DCLK1: variants seen among roughly 807,000 people sequenced by gnomAD.
DCLK1 encodes serine/threonine-protein kinase DCLK1.
In DCLK1, 16 loss-of-function variants were observed where a neutral mutation model predicts 86.2. The observed-to-expected ratio is 0.19, with a 90% CI of 0.13 to 0.28. The LOEUF (loss-of-function observed/expected upper bound fraction) is 0.28, where lower values mean the gene tolerates loss of function less well. DCLK1 is among the 10% of genes least tolerant of loss of function. The probability of loss-of-function intolerance (pLI) is 1.00; values close to 1 mark genes in which losing one functional copy is unlikely to be tolerated. For missense variants in DCLK1, 590 were observed against 940.2 expected, an observed-to-expected ratio of 0.63 and a Z score of 4.87; for synonymous variants, 369 against 370.5, an observed-to-expected ratio of 1.00 and a Z score of 0.05.
At chr13:35,991,279 A>C (rs1263004990) in intron 3 of DCLK1, among the ~76,000 whole-genome samples, 1 of 152,144 alleles carries the variant, frequency 6.6e-6, no homozygotes, top group Non-Finnish European at 1.5e-5. Context: ...CGTCTCCATG[A>C]CTGTTCACTC....
At chr13:36,110,500 G>C (rs2138186788) in intron 3 of DCLK1, among the ~76,000 whole-genome samples, 2 of 152,252 alleles carry the variant, frequency 1.3e-5, no homozygotes, top group African/African-American at 4.8e-5. Context: ...GCATCTGAAT[G>C]GATCCCTAAG....
chr13:35,829,557 G>A lies in DCLK1; in HGVS notation c.1230-1250C>T, dbSNP rs554947108. Among the ~76,000 whole-genome samples, 41 of 152,242 alleles carry A rather than the reference G, an allele frequency of 2.7e-4. No individual in the cohort carries two copies. In the South Asian group the frequency reaches 7.7e-3, roughly 29 times the overall value. On this transcript the variant is annotated intron_variant, in intron 8 of 16. Transcript: ENST00000360631. ...GCAAGAAAATGATTTGCCTCTAAGC[G>A]AATCAAGAGACCAGGCGTTAATGTG...
intron 4 of DCLK1, among the ~76,000 whole-genome samples, chr13:35,897,382 T>C (rs965702113): frequency 1.3e-5 from 2 of 152,210 alleles, no homozygotes; most frequent in South Asian, 4.2e-4. Flanking sequence ...CTAGCCATGA[T>C]AGCAAGAATG....
intron 3 of DCLK1, among the ~76,000 whole-genome samples, chr13:35,951,196 T>C (rs1196716810): frequency 1.3e-5 from 2 of 151,702 alleles, no homozygotes; most frequent in Non-Finnish European, 2.9e-5. Context: ...GTTTTTTTAG[T>C]TGGGACATGG....
intron 3 of DCLK1, among the ~76,000 whole-genome samples, chr13:35,997,408 AG>A (rs1164209067): frequency 6.6e-6 from 1 of 152,220 alleles, no homozygotes; most frequent in Non-Finnish European, 1.5e-5. Context: ...CTTGCTTTGG[AG>A]GCAAAGAACA....
At chr13:35,910,681 G>A (rs1005261251) in intron 4 of DCLK1, among the ~76,000 whole-genome samples, 1 of 152,180 alleles carries the variant, frequency 6.6e-6, no homozygotes, top group Non-Finnish European at 1.5e-5. Context: ...AGGGGCCGCT[G>A]TGGCAGCACC....
At chr13:35,964,781 GAA>G (rs10533073) in intron 3 of DCLK1, among the ~76,000 whole-genome samples, 33,998 of 130,158 alleles carry the variant, frequency 0.26, 3,966 homozygotes, top group African/African-American at 0.33. Flanking sequence ...AAAATGGTTG[GAA>G]AAAAAAAAAA....
intron 3 of DCLK1, among the ~76,000 whole-genome samples, chr13:35,987,653 C>G (rs1879995864): frequency 6.6e-6 from 1 of 152,104 alleles, no homozygotes; most frequent in Non-Finnish European, 1.5e-5. Context: ...CCCTGAGGGG[C>G]ACCACTACCT....
At chr13:35,890,193 C>G (rs939635936) in intron 4 of DCLK1, among the ~76,000 whole-genome samples, 3 of 152,120 alleles carry the variant, frequency 2.0e-5, no homozygotes, top group Non-Finnish European at 2.9e-5. Context: ...CACTTCCTCT[C>G]ACTCTTAGTT....
chr13:35,798,715 G>A (rs1020941392), intron 15 of DCLK1, among the ~76,000 whole-genome samples: 7 of 152,174 alleles, frequency 4.6e-5, no homozygotes, highest in African/African-American at 1.4e-4. Flanking sequence ...CCATGTCATC[G>A]TTTAAAATTT....
intron 3 of DCLK1, among the ~76,000 whole-genome samples, chr13:36,098,512 A>G (rs1392616469): frequency 1.3e-5 from 2 of 152,194 alleles, no homozygotes; most frequent in Admixed American, 6.5e-5. Flanking sequence ...TGAGAGAGAG[A>G]GATTTGCAAT....
At chr13:36,031,900 G>A (rs909647505) in intron 3 of DCLK1, among the ~76,000 whole-genome samples, 6 of 152,156 alleles carry the variant, frequency 3.9e-5, no homozygotes, top group African/African-American at 1.4e-4. Context: ...CCTGATAGAC[G>A]TGAGGTCTCA....
chr13:35,912,416 C>G (rs958910547), intron 4 of DCLK1, among the ~76,000 whole-genome samples: 1 of 152,150 alleles, frequency 6.6e-6, no homozygotes, highest in African/African-American at 2.4e-5. Context: ...CACCCCACCC[C>G]CAGTCCTGTG....
At chr13:36,082,867 C>G (rs1407540389) in intron 3 of DCLK1, among the ~76,000 whole-genome samples, 2 of 152,058 alleles carry the variant, frequency 1.3e-5, no homozygotes, top group African/African-American at 4.8e-5. Flanking sequence ...TCCTTGCTCC[C>G]GGTGGAGAGA....
intron 3 of DCLK1, among the ~76,000 whole-genome samples, chr13:36,063,135 T>C (rs1883619874): frequency 6.6e-6 from 1 of 152,212 alleles, no homozygotes; most frequent in Non-Finnish European, 1.5e-5. Flanking sequence ...ATGTTGATCA[T>C]GATTTTCATC....
At chr13:35,859,509 C>T (rs1007204975) in intron 5 of DCLK1, among the ~76,000 whole-genome samples, 2 of 152,170 alleles carry the variant, frequency 1.3e-5, no homozygotes, top group African/African-American at 4.8e-5. Flanking sequence ...CTATCCCTCC[C>T]GACGGTACAT....
intron 3 of DCLK1, among the ~76,000 whole-genome samples, chr13:35,986,174 T>C (rs1431916052): frequency 6.6e-6 from 1 of 151,676 alleles, no homozygotes; most frequent in Non-Finnish European, 1.5e-5. Flanking sequence ...TGGTGGTGCA[T>C]GCCTGTAATC....
At chr13:35,885,321 T>C (rs1873162484) in intron 4 of DCLK1, among the ~76,000 whole-genome samples, 1 of 152,076 alleles carries the variant, frequency 6.6e-6, no homozygotes, top group Admixed American at 6.6e-5. Context: ...AAAAAAATTC[T>C]CCCTTCAGAC....
In DCLK1 at chr13:35,885,307, C is replaced by CA. The variant is rs554812831; in HGVS notation, c.824-13968dup. Among the ~76,000 whole-genome samples the CA allele has an allele frequency of 8.4e-3, 1,235 of 146,908 alleles. 8 individuals carry two copies. The highest frequency in any genetic ancestry group is 0.014 in the Non-Finnish European group (924 of 66,388). On this transcript the variant is annotated intron_variant, in intron 4 of 16. Coordinates refer to ENST00000360631, the MANE Select transcript of DCLK1 (RefSeq NM_001330071.2). ...GCCTGCACTGTCATCTTAGGGACAACAAAAAAAAAATTCTCCCTTCAGACT... is the reference window on the plus strand; with the variant it reads ...GCCTGCACTGTCATCTTAGGGACAACAAAAAAAAAAATTCTCCCTTCAGACT...
Sources: allele counts gnomAD v4.1 joint callset (sites outside exome capture counted in the v4.1 genomes callset), GRCh38; gene constraint gnomAD v4.1.1; transcripts MANE v1.5; gene names NCBI Gene and HGNC (gene_info 2026-07-23, HGNC 2026-07-21).